SIPA1L2: variants seen among roughly 807,000 people sequenced by gnomAD.
SIPA1L2 encodes signal-induced proliferation-associated 1-like protein 2.
A neutral mutation model predicts 163.9 loss-of-function variants in SIPA1L2; 56 were observed. The observed-to-expected ratio is 0.34, with a 90% CI of 0.28 to 0.43. The LOEUF (loss-of-function observed/expected upper bound fraction) is 0.43. Ranked by LOEUF, SIPA1L2 falls within the 20% of genes least tolerant of loss-of-function variation. SIPA1L2 has a pLI of 1.00. For synonymous variants in SIPA1L2, 877 were observed against 865.7 expected (o/e 1.01, Z -0.23); for missense variants, 1,974 against 2,193.5 (o/e 0.90, Z 2.00).
In SIPA1L2 at chr1:232,514,563, T is replaced by G. The variant is rs1278891792; in HGVS notation, c.777A>C (p.Ser259=). Residue 259 remains serine, a synonymous_variant, in exon 3 of 23, where the codon TCA becomes TCC. Transcript: ENST00000674635. ...QISRGEFVRI[S]GLDYVDSALL... Reference sequence around the variant, plus strand: ...GGGCACTGTCCACATAATCTAATCCTGAGATGCGGACAAATTCTCCCCTAG... The same window carrying G: ...GGGCACTGTCCACATAATCTAATCCGGAGATGCGGACAAATTCTCCCCTAG... 6.2e-7 allele frequency: 1 copy of G among 1,614,154 alleles called. No individual in the cohort carries two copies. The highest frequency in any genetic ancestry group is 2.2e-5 in the East Asian group (1 of 44,864).
At chr1:232,590,381 G>A (rs1660898845) in intron 1 of SIPA1L2, among the ~76,000 whole-genome samples, 1 of 152,180 alleles carries the variant, frequency 6.6e-6, no homozygotes, top group Admixed American at 6.5e-5. Context: ...TGAGTCTGAA[G>A]AAAGTAAATA....
intron 3 of SIPA1L2, among the ~76,000 whole-genome samples, chr1:232,502,179 C>T (rs540970510): frequency 6.6e-6 from 1 of 152,276 alleles, no homozygotes; most frequent in African/African-American, 2.4e-5. Flanking sequence ...TTCTTAACCT[C>T]AGAATCCTCC....
At chr1:232,513,302 T>G (rs974580267) in intron 3 of SIPA1L2, among the ~76,000 whole-genome samples, 3 of 152,234 alleles carry the variant, frequency 2.0e-5, no homozygotes, top group African/African-American at 4.8e-5. Flanking sequence ...ATTTATCACT[T>G]GTGTCTTAAC....
chr1:232,529,988 G>A (rs1286225772), intron 2 of SIPA1L2, among the ~76,000 whole-genome samples: 1 of 152,196 alleles, frequency 6.6e-6, no homozygotes, highest in East Asian at 1.9e-4. Flanking sequence ...TTCAGTATGA[G>A]CAGTCACTGG....
chr1:232,555,499 G>A (rs1292718080), intron 2 of SIPA1L2, among the ~76,000 whole-genome samples: 1 of 152,140 alleles, frequency 6.6e-6, no homozygotes, highest in Non-Finnish European at 1.5e-5. Flanking sequence ...ACCTCCAGTT[G>A]CTCCACCATA....
At chr1:232,613,118 T>C (rs1049924283) in intron 1 of SIPA1L2, among the ~76,000 whole-genome samples, 1 of 105,658 alleles carries the variant, frequency 9.5e-6, no homozygotes, top group African/African-American at 3.9e-5. Flanking sequence ...CCTGCCATGA[T>C]TCTGAGGCCT....
At chr1:232,414,700 C>T (rs909883685) in intron 19 of SIPA1L2, among the ~76,000 whole-genome samples, 1 of 152,146 alleles carries the variant, frequency 6.6e-6, no homozygotes, top group African/African-American at 2.4e-5. Context: ...GCCAGGTTCC[C>T]CAGTGCCAGA....
chr1:232,493,831 G>A lies in SIPA1L2; in HGVS notation c.1484-171C>T, dbSNP rs558500680. 8.5e-5 allele frequency among the ~76,000 whole-genome samples: 13 copies of A among 152,222 alleles called. No individual in the cohort carries two copies. In the South Asian group the frequency reaches 1.2e-3, roughly 15 times the overall value. On this transcript the variant is annotated intron_variant, in intron 3 of 22. Coordinates refer to ENST00000674635, the MANE Select transcript of SIPA1L2 (RefSeq NM_020808.5). ...CTTCTGGTTTCCAGTTCGGATGCAC[G>A]CCTACATCTCATTTTCAATTACTTC...
intron 2 of SIPA1L2, among the ~76,000 whole-genome samples, chr1:232,539,821 T>G (rs1193008454): frequency 6.6e-6 from 1 of 152,216 alleles, no homozygotes; most frequent in Non-Finnish European, 1.5e-5. Context: ...TCAATCTAGA[T>G]CTGGCTCCTC....
intron 6 of SIPA1L2, 85 bp from the exon 7 acceptor site, chr1:232,479,815 CA>C (rs1665233269): frequency 1.9e-6 from 2 of 1,076,906 alleles, no homozygotes; most frequent in Non-Finnish European, 2.8e-6. Context: ...GTTGCAAAAA[CA>C]AAAAACAAAA....
intron 8 of SIPA1L2, among the ~76,000 whole-genome samples, chr1:232,466,767 G>T (rs147169704): frequency 0.018 from 2,755 of 152,164 alleles, 75 homozygotes; most frequent in African/African-American, 0.063. Flanking sequence ...CTCCAGCCTG[G>T]GCGACAAAGC....
At chr1:232,528,102 A>ATATATATATATATAT (rs34779799) in intron 2 of SIPA1L2, among the ~76,000 whole-genome samples, 41 of 118,432 alleles carry the variant, frequency 3.5e-4, no homozygotes, top group East Asian at 6.5e-4. Context: ...ATATATATAT[A>ATATATATATATATAT]ATCAACTTTC....
At chr1:232,561,981 T>A (rs1321845374) in intron 2 of SIPA1L2, among the ~76,000 whole-genome samples, 1 of 152,138 alleles carries the variant, frequency 6.6e-6, no homozygotes, top group Non-Finnish European at 1.5e-5. Context: ...ACCTGATGGG[T>A]CCCACCGCGC....
chr1:232,501,050 A>ATTTTTTTTTTTTTTTTT lies in SIPA1L2; in HGVS notation c.1484-7407_1484-7391dup, dbSNP rs60008360. Among the ~76,000 whole-genome samples the ATTTTTTTTTTTTTTTTT allele has an allele frequency of 5.1e-4, 40 of 78,442 alleles. 6 individuals carry two copies. Among genetic ancestry groups the ATTTTTTTTTTTTTTTTT allele is most frequent in the Non-Finnish European group, 6.7e-4 (29 of 43,604 alleles). The allele number at this position is 78,442 out of a possible 152,430, so 51.5% of individuals were successfully genotyped here. A position where few individuals can be genotyped will look rare whatever the true frequency, so the allele number is the denominator to read the frequency against. On this transcript the variant is annotated intron_variant, in intron 3 of 22. Transcript: ENST00000674635. ...TGTTAGCACTTTTTAGCAATGAAGT[A>ATTTTTTTTTTTTTTTTT]TTTTTTTTTTTTTTTTTTTTTTTGT...
chr1:232,553,676 T>A (rs932489133), intron 2 of SIPA1L2, among the ~76,000 whole-genome samples: 2 of 152,186 alleles, frequency 1.3e-5, no homozygotes, highest in African/African-American at 4.8e-5. Context: ...CTCTTACCCC[T>A]GAGCGTCCAT....
chr1:232,483,244 A>G (rs1038935740), intron 6 of SIPA1L2, among the ~76,000 whole-genome samples: 4 of 144,232 alleles, frequency 2.8e-5, no homozygotes, highest in African/African-American at 1.0e-4. Flanking sequence ...AATAAGATGC[A>G]TCAGCTTTTT....
chr1:232,624,081 A>G (rs1385141333), intron 1 of SIPA1L2, among the ~76,000 whole-genome samples: 6 of 152,150 alleles, frequency 3.9e-5, no homozygotes, highest in Admixed American at 2.6e-4. Flanking sequence ...ATACATACAG[A>G]TATATTATAC....
chr1:232,420,663 G>A (rs543784281), intron 18 of SIPA1L2, among the ~76,000 whole-genome samples: 393 of 152,012 alleles, frequency 2.6e-3, no homozygotes, highest in African/African-American at 6.5e-3. Flanking sequence ...GTGAAACCCC[G>A]TCTCTACTAA....
At chr1:232,445,039 T>G (rs1663129430) in intron 11 of SIPA1L2, among the ~76,000 whole-genome samples, 1 of 152,254 alleles carries the variant, frequency 6.6e-6, no homozygotes. Context: ...GTATGCATTC[T>G]TCTTTGAAAA....
Sources: allele counts gnomAD v4.1 joint callset (sites outside exome capture counted in the v4.1 genomes callset), GRCh38; gene constraint gnomAD v4.1.1; transcripts MANE v1.5; gene names NCBI Gene and HGNC (gene_info 2026-07-23, HGNC 2026-07-21).